The following EHBP1 variants were observed in gnomAD, a reference collection of about 807,000 sequenced individuals.
The protein encoded by EHBP1 is EH domain binding protein 1.
Under a neutral mutation model 144.0 loss-of-function variants are expected in EHBP1, and 55 were observed. The ratio of observed to expected loss-of-function variants is 0.38; its 90% CI spans 0.31 to 0.48. The LOEUF (loss-of-function observed/expected upper bound fraction) is 0.48. EHBP1 is among the 20% of genes least tolerant of loss of function. The pLI is 0.98. For missense variants in EHBP1, 1,200 were observed against 1,364.2 expected, an observed-to-expected ratio of 0.88 and a Z score of 1.90; for synonymous variants, 469 against 472.7, an observed-to-expected ratio of 0.99 and a Z score of 0.10.
intron 3 of EHBP1, among the ~76,000 whole-genome samples, chr2:62,752,733 A>C (rs370847032): frequency 6.6e-6 from 1 of 152,048 alleles, no homozygotes; most frequent in Non-Finnish European, 1.5e-5. Context: ...CCATTATGTA[A>C]TGGCCTTCTT....
At chr2:62,708,880 T>C (rs2034851061) in intron 2 of EHBP1, among the ~76,000 whole-genome samples, 2 of 152,138 alleles carry the variant, frequency 1.3e-5, no homozygotes, top group Non-Finnish European at 2.9e-5. Context: ...TAGTTTGATA[T>C]TAATGGGGTT....
rs76546985 is a variant in EHBP1, at chr2:62,755,740, A to G, written c.162+8288A>G. 9.3e-3 allele frequency among the ~76,000 whole-genome samples: 1,421 copies of G among 152,348 alleles called. 7 individuals are homozygous for G. Among genetic ancestry groups the G allele is most frequent in the Non-Finnish European group, 0.014 (957 of 68,032 alleles). On this transcript the variant is annotated intron_variant, in intron 3 of 22. Transcript: ENST00000431489. ...AGAAACATAACATTTGTTGGTCAAT[A>G]TAAGCTTTTGTGGGAAGGACCAATA...
chr2:62,828,604 A>T (rs1381855220), intron 6 of EHBP1, among the ~76,000 whole-genome samples: 1 of 152,188 alleles, frequency 6.6e-6, no homozygotes, highest in African/African-American at 2.4e-5. Context: ...GAAAAACAAT[A>T]TACTTAAGCA....
rs558559647 is a variant in EHBP1 at position 62,943,458 on chromosome 2, G to A, written c.1365-344G>A. Among the ~76,000 whole-genome samples the A allele has an allele frequency of 7.3e-5, 11 of 150,838 alleles. No individual in the cohort carries two copies. The East Asian group carries it at 1.6e-3, about 21-fold the overall frequency. ...TCAAATTATTATGAAAATTGTGTTA[G>A]TGTTAAAATGAGATGAGACAAATAA... On this transcript the variant is annotated intron_variant, in intron 11 of 22. Transcript: ENST00000431489.
rs1260595056 is a variant in EHBP1 at position 62,949,110 on chromosome 2, A to G, written c.2264A>G (p.Asp755Gly). The stretch of plus-strand genomic sequence containing the variant: ...CTGAGGCAGACGGAGTCTGATCCAG[A>G]TGCTGATAGAACCACTTTAAATCAT... ...ASLRQTESDP[D>G]ADRTTLNHAD... Residue 755 changes from aspartate (D) to glycine (G), a missense_variant, in exon 13 of 23, where the codon GAT becomes GGT. Physicochemically the swap from Asp to Gly is moderately conservative, Grantham distance 94. Around this residue, in one of 6 missense-constraint regions of EHBP1, gnomAD observed 543 missense variants for 513.1 expected, o/e 1.06. Transcript: ENST00000431489. The G allele has an allele frequency of 3.1e-6, 5 of 1,588,870 alleles. No homozygotes were observed. The African/African-American group carries it at 4.1e-5, about 13-fold the overall frequency.
intron 9 of EHBP1, 82 bp downstream of exon 9, chr2:62,865,053 G>T (rs978040591): frequency 1.3e-5 from 18 of 1,416,754 alleles, no homozygotes; most frequent in Non-Finnish European, 1.7e-5. Flanking sequence ...ACCTTTAGAT[G>T]GGTACAAATC....
intron 19 of EHBP1, among the ~76,000 whole-genome samples, chr2:63,014,978 C>CA (rs372407408): frequency 9.8e-4 from 142 of 145,586 alleles, no homozygotes; most frequent in African/African-American, 3.1e-3. Context: ...AACTCTGTCT[C>CA]AAAAAAAAAA....
chr2:62,916,181 A>G (rs1246168965), intron 10 of EHBP1, among the ~76,000 whole-genome samples: 1 of 152,106 alleles, frequency 6.6e-6, no homozygotes, highest in Non-Finnish European at 1.5e-5. Flanking sequence ...TTAATTAATG[A>G]AATATATTTT....
intron 5 of EHBP1, among the ~76,000 whole-genome samples, chr2:62,778,044 G>T (rs2042164567): frequency 6.6e-6 from 1 of 152,164 alleles, no homozygotes; most frequent in Non-Finnish European, 1.5e-5. Flanking sequence ...CCTCCGTGAA[G>T]ATCAGTGGGG....
At chr2:62,751,559 G>C (rs1474179520) in intron 3 of EHBP1, among the ~76,000 whole-genome samples, 1 of 152,182 alleles carries the variant, frequency 6.6e-6, no homozygotes, top group Non-Finnish European at 1.5e-5. Flanking sequence ...AGAAGGAATA[G>C]TACCAGCTCC....
intron 19 of EHBP1, among the ~76,000 whole-genome samples, chr2:62,998,207 G>T (rs762382584): frequency 2.6e-5 from 4 of 152,032 alleles, no homozygotes; most frequent in Non-Finnish European, 4.4e-5. Flanking sequence ...ACCAGAATAT[G>T]TAGACCATGT....
chr2:62,997,427 C>CGTGTGTGTGT (rs748541351), intron 19 of EHBP1, among the ~76,000 whole-genome samples: 2 of 139,870 alleles, frequency 1.4e-5, no homozygotes, highest in Non-Finnish European at 3.1e-5. Context: ...GAAAGGAACT[C>CGTGTGTGTGT]ATGTGTGTGT....
intron 10 of EHBP1, among the ~76,000 whole-genome samples, chr2:62,942,197 A>G (rs1430005784): frequency 6.6e-6 from 1 of 152,144 alleles, no homozygotes; most frequent in Non-Finnish European, 1.5e-5. Context: ...TATAAGAAGC[A>G]TGTTTGAATA....
intron 2 of EHBP1, among the ~76,000 whole-genome samples, chr2:62,737,312 G>A (rs973120432): frequency 6.6e-6 from 1 of 152,168 alleles, no homozygotes; most frequent in African/African-American, 2.4e-5. Flanking sequence ...CTGTGAGAAT[G>A]TGGTAAAGCT....
At chr2:62,876,427 T>C (rs1024638359) in intron 10 of EHBP1, among the ~76,000 whole-genome samples, 2 of 152,128 alleles carry the variant, frequency 1.3e-5, no homozygotes, top group Admixed American at 6.5e-5. Context: ...GAAAAGCAAA[T>C]GCTAAGGGAA....
At chr2:62,998,731 G>A (rs979636994) in intron 19 of EHBP1, among the ~76,000 whole-genome samples, 24 of 152,120 alleles carry the variant, frequency 1.6e-4, no homozygotes, top group Non-Finnish European at 5.9e-5. Flanking sequence ...AATACAGGTT[G>A]AATCTAGAAT....
At chr2:63,033,607 G>C (rs1315998199) in intron 19 of EHBP1, among the ~76,000 whole-genome samples, 1 of 151,992 alleles carries the variant, frequency 6.6e-6, no homozygotes, top group African/African-American at 2.4e-5. Context: ...GATTAATTAG[G>C]AAAAGCTAAT....
upstream of EHBP1, among the ~76,000 whole-genome samples, chr2:62,702,445 A>G (rs996867028): frequency 2.6e-5 from 4 of 152,136 alleles, no homozygotes; most frequent in African/African-American, 9.7e-5. Context: ...TGGAAGTGGG[A>G]GGGTGAGTAG....
intron 2 of EHBP1, among the ~76,000 whole-genome samples, chr2:62,737,273 A>G (rs2038232012): frequency 6.6e-6 from 1 of 152,074 alleles, no homozygotes; most frequent in Admixed American, 6.6e-5. Context: ...CCTTGTTGGG[A>G]TCATGAGGGG....
Sources: gnomAD v4.1 joint callset for allele counts (sites outside exome capture counted in the v4.1 genomes callset) on GRCh38, gnomAD v4.1.1 for gene constraint, gnomAD v4.1.1 regional missense constraint, MANE v1.5 for transcripts, NCBI Gene and HGNC (gene_info 2026-07-23, HGNC 2026-07-21) for gene names.